STAM: variants seen among roughly 807,000 people sequenced by gnomAD.
The protein encoded by STAM is signal transducing adapter molecule 1.
Under a neutral mutation model 63.4 loss-of-function variants are expected in STAM, and 16 were observed. The ratio of observed to expected loss-of-function variants is 0.25; its 90% CI spans 0.17 to 0.38. The LOEUF is 0.38. STAM is among the 10% of genes least tolerant of loss of function. STAM has a pLI of 1.00. For missense variants in STAM, 636 were observed against 657.1 expected (o/e 0.97, Z 0.35); for synonymous variants, 238 against 223.9 (o/e 1.06, Z -0.56).
Position 17,644,176 on chromosome 10 carries a change from G to A in STAM, c.-164G>A, listed in dbSNP as rs530645515. On this transcript the variant is annotated 5_prime_UTR_variant, in exon 1 of 14. Transcript: ENST00000377524. ...CCTTGCTGTTGCCGCCGCCGCAGCT[G>A]CTGCCGCGGTTGGTGGGGTTGGGTG... 783 of 708,216 alleles carry A rather than the reference G, an allele frequency of 1.1e-3. 6 individuals carry two copies. In the Middle Eastern group the frequency reaches 0.018, roughly 17 times the overall value. The allele number at this position is 708,216 out of a possible 1,614,324, so 43.9% of individuals were successfully genotyped here.
At chr10:17,675,706 C>G (rs1259113725) in intron 2 of STAM, among the ~76,000 whole-genome samples, 16 of 152,188 alleles carry the variant, frequency 1.1e-4, no homozygotes, top group Admixed American at 7.2e-4. Context: ...TACTTTATTC[C>G]TAAAGCCTTG....
intron 2 of STAM, among the ~76,000 whole-genome samples, chr10:17,661,353 C>G (rs181418616): frequency 3.3e-5 from 5 of 152,168 alleles, no homozygotes; most frequent in Non-Finnish European, 7.3e-5. Flanking sequence ...TAATATGAAG[C>G]CTTTGCCAGT....
intron 13 of STAM, 127 bp from the exon 14 acceptor site, chr10:17,714,416 T>A: frequency 3.4e-6 from 3 of 872,050 alleles, no homozygotes; most frequent in Non-Finnish European, 5.6e-6. Flanking sequence ...ACATTATAGC[T>A]GTTTAGTAAA....
chr10:17,705,720 A>G lies in STAM; in HGVS notation c.1188A>G (p.Ser396=), dbSNP rs782225193. The change falls in exon 12 of 14, where the codon TCA becomes TCG. Residue 396 remains serine, a synonymous_variant. Coordinates refer to ENST00000377524, the MANE Select transcript of STAM (RefSeq NM_003473.4). ...AGAATCAGCCATATTATATGCAGTC[A>G]TCTGGTGTTTCTGGTTCTCAGGTAA... ...KLQNQPYYMQ[S]SGVSGSQVYA... is the part of the protein sequence containing the mutation. The G allele has an allele frequency of 6.2e-7, 1 of 1,612,278 alleles. No homozygotes were observed.
intron 2 of STAM, among the ~76,000 whole-genome samples, chr10:17,671,070 T>G (rs958548191): frequency 1.3e-5 from 2 of 152,226 alleles, no homozygotes; most frequent in Non-Finnish European, 2.9e-5. Context: ...ATATTATCTC[T>G]TAATTTCTAA....
At position 17,700,259 on chromosome 10, in the gene STAM, G is replaced by C; in HGVS notation, c.892G>C (p.Glu298Gln). 6.2e-7 allele frequency: 1 copy of C among 1,608,430 alleles called. No homozygotes were observed. The highest frequency in any genetic ancestry group is 8.5e-7 in the Non-Finnish European group (1 of 1,177,132). The change falls in exon 9 of 14, where the codon GAA becomes CAA. Residue 298 changes from glutamate to glutamine, a missense_variant. Physicochemically the swap from Glu to Gln is conservative, Grantham distance 29. This residue lies in a region of STAM where 532 missense variants were observed against 536.9 expected (regional missense o/e 0.99). Transcript: ENST00000377524. Reference protein sequence around the residue: ...VQVETIEPEPEPAFIDEDKMD... With the variant: ...VQVETIEPEPQPAFIDEDKMD... Reference sequence around the variant, plus strand: ...GGTAGAGACAATAGAACCAGAGCCGGAACCAGCCTTTATTGATGAAGTAAG... The same window carrying C: ...GGTAGAGACAATAGAACCAGAGCCGCAACCAGCCTTTATTGATGAAGTAAG...
intron 2 of STAM, chr10:17,673,195 G>A (rs782293817): frequency 5.1e-6 from 1 of 196,516 alleles, no homozygotes; most frequent in South Asian, 1.8e-4. Flanking sequence ...CACATCCTCT[G>A]TTCCTCCCAG....
chr10:17,706,265 T>A (rs149591310), intron 12 of STAM, among the ~76,000 whole-genome samples: 3 of 151,240 alleles, frequency 2.0e-5, no homozygotes, highest in Non-Finnish European at 2.9e-5. Flanking sequence ...ATAGCTTTTA[T>A]ACAGGGTTAT....
intron 1 of STAM, among the ~76,000 whole-genome samples, chr10:17,656,971 C>T (rs1468541141): frequency 6.6e-6 from 1 of 152,140 alleles, no homozygotes; most frequent in African/African-American, 2.4e-5. Flanking sequence ...GTGGGCGGCC[C>T]ACATGCGCAG....
At chr10:17,655,235 A>G (rs1165662704) in intron 1 of STAM, among the ~76,000 whole-genome samples, 6 of 152,220 alleles carry the variant, frequency 3.9e-5, no homozygotes, top group Non-Finnish European at 8.8e-5. Flanking sequence ...GGCGTGGACT[A>G]GAAGGCTATT....
chr10:17,667,779 C>CA (rs1247519152), intron 2 of STAM, among the ~76,000 whole-genome samples: 1 of 152,210 alleles, frequency 6.6e-6, no homozygotes, highest in Non-Finnish European at 1.5e-5. Flanking sequence ...TGAAAAGAGA[C>CA]AGAGTTCAAA....
At chr10:17,705,772 A>G (rs370209046) in intron 12 of STAM, 31 bp downstream of exon 12, 52 of 1,600,110 alleles carry the variant, frequency 3.2e-5, no homozygotes, top group Non-Finnish European at 3.7e-5. Flanking sequence ...GTTGTTTTAA[A>G]TTCTCAAATG....
chr10:17,646,576 A>C (rs1275313028), intron 1 of STAM, among the ~76,000 whole-genome samples: 1 of 152,234 alleles, frequency 6.6e-6, no homozygotes, highest in Non-Finnish European at 1.5e-5. Flanking sequence ...TGAGCCTGCC[A>C]GACATTATAC....
At chr10:17,704,893 T>G (rs1057351155) in intron 10 of STAM, 77 bp from the exon 11 acceptor site, 35 of 1,219,406 alleles carry the variant, frequency 2.9e-5, no homozygotes, top group Non-Finnish European at 3.8e-5. Flanking sequence ...ATTCCTTAAA[T>G]TATACAAATA....
intron 4 of STAM, 119 bp downstream of exon 4, chr10:17,685,046 T>A: frequency 1.4e-6 from 1 of 730,490 alleles, no homozygotes; most frequent in South Asian, 2.1e-5. Flanking sequence ...CTAGGCTGTG[T>A]CTATCCAGTA....
In STAM at chr10:17,684,925, A is replaced by C. The variant is rs1835233307; in HGVS notation, c.295A>C (p.Lys99Gln). 6.2e-7 allele frequency: 1 copy of C among 1,609,726 alleles called. No homozygotes were observed. The change falls in exon 4 of 14, where the codon AAG becomes CAG. Residue 99 changes from lysine (K) to glutamine (Q), a missense_variant and splice_region_variant. This residue lies in a region of STAM where 532 missense variants were observed against 536.9 expected (regional missense o/e 0.99). Coordinates refer to ENST00000377524, the MANE Select transcript of STAM (RefSeq NM_003473.4). ...FASEVSNVLN[K>Q]GHPKVCEKLK... The stretch of plus-strand genomic sequence containing the variant: ...TAGTGAAGTAAGCAACGTATTAAAT[A>C]AGGTAAGGAGCATTATTTCCAGAAA...
At chr10:17,682,994 C>G (rs1353104570) in intron 2 of STAM, among the ~76,000 whole-genome samples, 1 of 152,082 alleles carries the variant, frequency 6.6e-6, no homozygotes, top group Non-Finnish European at 1.5e-5. Context: ...TCTCTTTATC[C>G]CTGTTAGTAT....
At chr10:17,672,914 C>A (rs939320289) in intron 2 of STAM, 5 of 430,600 alleles carry the variant, frequency 1.2e-5, no homozygotes, top group African/African-American at 1.1e-4. Context: ...AGAGATAATT[C>A]TCCTTTCCCT....
At position 17,688,044 on chromosome 10, in the gene STAM, T is replaced by C. The variant is rs1554826288; in HGVS notation, c.315T>C (p.Cys105=). 3 of 1,594,630 alleles carry C rather than the reference T, an allele frequency of 1.9e-6. No homozygotes were observed. The South Asian group carries it at 3.5e-5, about 18-fold the overall frequency. The change falls in exon 5 of 14, where the codon TGT becomes TGC. Residue 105 remains cysteine, a synonymous_variant. Coordinates refer to ENST00000377524, the MANE Select transcript of STAM (RefSeq NM_003473.4). The part of the protein sequence containing the change: ...NVLNKGHPKV[C]EKLKALMVEW... Reference sequence around the variant, plus strand: ...TTTTACAGGGTCATCCTAAAGTATGTGAAAAATTAAAGGCTCTTATGGTTG... The same window carrying C: ...TTTTACAGGGTCATCCTAAAGTATGCGAAAAATTAAAGGCTCTTATGGTTG...
Sources: gnomAD v4.1 joint callset for allele counts (sites outside exome capture counted in the v4.1 genomes callset) on GRCh38, gnomAD v4.1.1 for gene constraint, gnomAD v4.1.1 regional missense constraint, MANE v1.5 for transcripts, NCBI Gene and HGNC (gene_info 2026-07-23, HGNC 2026-07-21) for gene names.